The following ROBO1 variants were observed in gnomAD, a reference collection of about 807,000 sequenced individuals.
ROBO1 encodes roundabout guidance receptor 1, also known as roundabout homolog 1.
In ROBO1, 149 loss-of-function variants were observed where a neutral mutation model predicts 195.9. The ratio of observed to expected loss-of-function variants is 0.76; its 90% CI spans 0.67 to 0.87. The LOEUF (loss-of-function observed/expected upper bound fraction) is 0.87, where lower values mean the gene tolerates loss of function less well. ROBO1 is among the 40% of genes least tolerant of loss of function. The pLI, the probability that ROBO1 is intolerant of heterozygous loss-of-function variation, is 0.00. For missense variants in ROBO1, 1,933 were observed against 2,068.3 expected (o/e 0.93, Z 1.27); for synonymous variants, 816 against 733.2 (o/e 1.11, Z -1.82).
At chr3:78,908,159 T>G (rs1339097167) in intron 4 of ROBO1, among the ~76,000 whole-genome samples, 2 of 151,992 alleles carry the variant, frequency 1.3e-5, no homozygotes, top group Non-Finnish European at 1.5e-5. Flanking sequence ...TGAATTAACA[T>G]TCAACAAAAA....
At chr3:78,707,622 G>A (rs1172779618) in intron 8 of ROBO1, among the ~76,000 whole-genome samples, 1 of 152,140 alleles carries the variant, frequency 6.6e-6, no homozygotes, top group Non-Finnish European at 1.5e-5. Context: ...AAATGGACAA[G>A]CTCTTATGAG....
intron 2 of ROBO1, among the ~76,000 whole-genome samples, chr3:79,395,040 C>T (rs1445593263): frequency 6.6e-6 from 1 of 151,864 alleles, no homozygotes. Flanking sequence ...AACAGTGAGA[C>T]CGGCCGGGCG....
At chr3:79,734,788 A>T (rs1044820972) in intron 1 of ROBO1, among the ~76,000 whole-genome samples, 2 of 150,820 alleles carry the variant, frequency 1.3e-5, no homozygotes, top group Non-Finnish European at 3.0e-5. Flanking sequence ...CATGGGCACC[A>T]ATGCTGCCAG....
intron 1 of ROBO1, among the ~76,000 whole-genome samples, chr3:79,689,201 G>C (rs1224684415): frequency 6.6e-6 from 1 of 151,846 alleles, no homozygotes; most frequent in East Asian, 1.9e-4. Context: ...TGATTTTAAA[G>C]TACATGTAAT....
intron 3 of ROBO1, among the ~76,000 whole-genome samples, chr3:78,945,324 C>A (rs2040371128): frequency 6.6e-6 from 1 of 152,130 alleles, no homozygotes; most frequent in Non-Finnish European, 1.5e-5. Context: ...GACAAAACTT[C>A]CAGAGGAACA....
chr3:79,639,469 T>C (rs1208582861), intron 1 of ROBO1, among the ~76,000 whole-genome samples: 1 of 152,158 alleles, frequency 6.6e-6, no homozygotes, highest in Non-Finnish European at 1.5e-5. Flanking sequence ...TAAAATTTTA[T>C]ACTAAATACA....
At chr3:79,345,398 C>A (rs2035072379) in intron 2 of ROBO1, among the ~76,000 whole-genome samples, 1 of 152,142 alleles carries the variant, frequency 6.6e-6, no homozygotes, top group South Asian at 2.1e-4. Flanking sequence ...AGTGAGGAAT[C>A]TGACAGCTTT....
chr3:78,805,968 C>CT (rs35840218), intron 4 of ROBO1, among the ~76,000 whole-genome samples: 5 of 151,418 alleles, frequency 3.3e-5, no homozygotes, highest in Admixed American at 6.6e-5. Context: ...TCTAATTTTT[C>CT]TTTTTTTTGA....
intron 1 of ROBO1, among the ~76,000 whole-genome samples, chr3:79,750,706 T>A (rs1025620540): frequency 6.6e-6 from 1 of 152,198 alleles, no homozygotes; most frequent in African/African-American, 2.4e-5. Flanking sequence ...GACTTGCTCT[T>A]CCTTGCCTTC....
At chr3:79,246,202 T>C in intron 2 of ROBO1, among the ~76,000 whole-genome samples, 1 of 152,092 alleles carries the variant, frequency 6.6e-6, no homozygotes, top group East Asian at 1.9e-4. Context: ...AAAACATAAC[T>C]TATGAATGAA....
At chr3:79,166,498 C>G (rs1232069709) in intron 2 of ROBO1, among the ~76,000 whole-genome samples, 1 of 151,398 alleles carries the variant, frequency 6.6e-6, no homozygotes, top group Non-Finnish European at 1.5e-5. Flanking sequence ...TGATCAACAA[C>G]TTTCATAAAA....
intron 4 of ROBO1, among the ~76,000 whole-genome samples, chr3:78,893,278 G>A (rs1360421320): frequency 6.6e-6 from 1 of 152,164 alleles, no homozygotes; most frequent in Non-Finnish European, 1.5e-5. Flanking sequence ...CTATGAAAGA[G>A]TTAAGGCCCT....
intron 2 of ROBO1, among the ~76,000 whole-genome samples, chr3:79,376,947 C>A (rs2109356491): frequency 6.6e-6 from 1 of 152,050 alleles, no homozygotes; most frequent in Admixed American, 6.5e-5. Context: ...ACTTATATAA[C>A]AATAGAAACA....
chr3:78,620,897 G>GTGTGTGTGTGTGTGTT (rs1704417106), intron 26 of ROBO1, among the ~76,000 whole-genome samples: 1 of 151,198 alleles, frequency 6.6e-6, no homozygotes, highest in Non-Finnish European at 1.5e-5. Flanking sequence ...GTGTGTGTGT[G>GTGTGTGTGTGTGTGTT]TGTGTGTGTA....
At chr3:79,529,087 C>T (rs1459618296) in intron 2 of ROBO1, among the ~76,000 whole-genome samples, 1 of 152,176 alleles carries the variant, frequency 6.6e-6, no homozygotes, top group Non-Finnish European at 1.5e-5. Context: ...TTATTTACTG[C>T]TTAATTAACA....
intron 2 of ROBO1, among the ~76,000 whole-genome samples, chr3:79,583,176 G>T (rs1422982440): frequency 6.6e-6 from 1 of 151,880 alleles, no homozygotes; most frequent in Non-Finnish European, 1.5e-5. Context: ...ATTCTGAACA[G>T]TTTTCTTTAA....
intron 3 of ROBO1, among the ~76,000 whole-genome samples, chr3:79,103,327 G>C (rs1416919297): frequency 6.6e-6 from 1 of 151,710 alleles, no homozygotes; most frequent in Non-Finnish European, 1.5e-5. Flanking sequence ...TTCGTAAACA[G>C]AACTAAGACA....
intron 2 of ROBO1, among the ~76,000 whole-genome samples, chr3:79,368,177 C>T (rs2109327478): frequency 6.6e-6 from 1 of 152,116 alleles, no homozygotes; most frequent in East Asian, 1.9e-4. Context: ...AAATGATCCG[C>T]TCACCTCGGC....
At chr3:79,070,605 T>C (rs955374928) in intron 3 of ROBO1, among the ~76,000 whole-genome samples, 1 of 151,850 alleles carries the variant, frequency 6.6e-6, no homozygotes, top group Non-Finnish European at 1.5e-5. Flanking sequence ...GGATAATCTC[T>C]TTTTTGTGGG....
Sources: allele counts gnomAD v4.1 joint callset (sites outside exome capture counted in the v4.1 genomes callset), GRCh38; gene constraint gnomAD v4.1.1; transcripts MANE v1.5; gene names NCBI Gene and HGNC (gene_info 2026-07-23, HGNC 2026-07-21).